Variants in ITPR2 observed in about 807,000 individuals in gnomAD.
ITPR2 encodes the protein inositol 1,4,5-trisphosphate receptor type 2.
In ITPR2, 207 loss-of-function variants were observed where a neutral mutation model predicts 317.1. The ratio of observed to expected loss-of-function variants is 0.65; its 90% CI spans 0.58 to 0.73. ITPR2 has a LOEUF of 0.73. Ranked by LOEUF, ITPR2 falls within the 30% of genes least tolerant of loss-of-function variation. ITPR2 has a pLI of 0.00. For missense variants in ITPR2, 2,613 were observed against 3,284.0 expected (o/e 0.80, Z 4.99); for synonymous variants, 1,156 against 1,149.1 (o/e 1.01, Z -0.12).
chr12:26,602,689 A>C lies in ITPR2; in HGVS notation c.3480T>G (p.Ser1160Arg), dbSNP rs1946029851. 2 of 1,597,008 alleles carry C rather than the reference A, an allele frequency of 1.3e-6. No individual in the cohort carries two copies. Among genetic ancestry groups the C allele is most frequent in the Non-Finnish European group, 1.7e-6 (2 of 1,169,698 alleles). ...EEPIEESNIL[S>R]PVQDGTKKPQ... ...GTTTCTTTGTTCCATCCTGCACTGG[A>C]CTTAAAATGTTTGATTCCTAAAAGG... Residue 1160 changes from serine (S) to arginine (R), a missense_variant, in exon 27 of 57, where the codon AGT becomes AGG. Around this residue, in one of 9 missense-constraint regions of ITPR2, gnomAD observed 817 missense variants for 897.6 expected, o/e 0.91. Coordinates refer to ENST00000381340, the MANE Select transcript of ITPR2 (RefSeq NM_002223.4).
intron 26 of ITPR2, among the ~76,000 whole-genome samples, chr12:26,610,654 C>T (rs1207911457): frequency 6.6e-6 from 1 of 152,106 alleles, no homozygotes; most frequent in African/African-American, 2.4e-5. Context: ...AACCAAAAAA[C>T]TCAATAATAA....
intron 23 of ITPR2, among the ~76,000 whole-genome samples, chr12:26,625,181 C>T (rs1307264663): frequency 6.6e-6 from 1 of 151,422 alleles, no homozygotes; most frequent in Non-Finnish European, 1.5e-5. Context: ...ATAAGAGTTA[C>T]CAGAGGCTGG....
chr12:26,497,541 G>GAAT (rs1555142521), intron 37 of ITPR2, among the ~76,000 whole-genome samples: 1 of 151,862 alleles, frequency 6.6e-6, no homozygotes, highest in Non-Finnish European at 1.5e-5. Context: ...ACCCTCAAGA[G>GAAT]TTACAATGAG....
intron 51 of ITPR2, among the ~76,000 whole-genome samples, chr12:26,412,200 T>G (rs1940573135): frequency 6.6e-6 from 1 of 152,124 alleles, no homozygotes; most frequent in Admixed American, 6.5e-5. Flanking sequence ...GAAGTGCATT[T>G]CCCAGCAATG....
intron 55 of ITPR2, among the ~76,000 whole-genome samples, chr12:26,377,219 C>T (rs1174436181): frequency 6.6e-6 from 1 of 152,264 alleles, no homozygotes; most frequent in East Asian, 1.9e-4. Flanking sequence ...TGAAGCCTCC[C>T]TTCCCAAGCC....
intron 26 of ITPR2, among the ~76,000 whole-genome samples, chr12:26,605,087 C>CA (rs201682839): frequency 7.9e-4 from 53 of 66,762 alleles, no homozygotes; most frequent in Non-Finnish European, 1.1e-3. Context: ...GACTCAGTCT[C>CA]AAAAAAAAAA....
chr12:26,426,277 T>C (rs186767769), intron 49 of ITPR2, among the ~76,000 whole-genome samples: 308 of 152,308 alleles, frequency 2.0e-3, no homozygotes, highest in Admixed American at 5.6e-3. Context: ...TAGTTCAATA[T>C]GCAATTTATG....
chr12:26,500,012 T>C (rs1476302897), intron 37 of ITPR2, among the ~76,000 whole-genome samples: 1 of 152,206 alleles, frequency 6.6e-6, no homozygotes, highest in Non-Finnish European at 1.5e-5. Context: ...CAGAACAAGA[T>C]TCTGTTATGT....
chr12:26,454,063 G>A (rs539110459), intron 45 of ITPR2, among the ~76,000 whole-genome samples: 2 of 152,144 alleles, frequency 1.3e-5, no homozygotes, highest in Non-Finnish European at 2.9e-5. Context: ...TGGATGGATG[G>A]CATACAGTAT....
At chr12:26,566,412 A>AAGGAGAAGGAGAGGTAAG in intron 34 of ITPR2, among the ~76,000 whole-genome samples, 2 of 129,590 alleles carry the variant, frequency 1.5e-5, no homozygotes, top group African/African-American at 5.9e-5. Context: ...AGGAGAAGAG[A>AAGGAGAAGGAGAGGTAAG]AGGAGAAGGA....
At chr12:26,390,976 G>A (rs960470394) in intron 54 of ITPR2, among the ~76,000 whole-genome samples, 1 of 152,156 alleles carries the variant, frequency 6.6e-6, no homozygotes, top group Admixed American at 6.5e-5. Context: ...GTTATATTCT[G>A]AAGAGGTATA....
intron 1 of ITPR2, among the ~76,000 whole-genome samples, chr12:26,808,033 C>T (rs937218064): frequency 3.9e-5 from 6 of 152,190 alleles, no homozygotes; most frequent in Non-Finnish European, 8.8e-5. Flanking sequence ...GGCCAAAGTG[C>T]TTTTACAAAG....
intron 55 of ITPR2, among the ~76,000 whole-genome samples, chr12:26,366,368 T>C (rs1939010269): frequency 6.6e-6 from 1 of 152,234 alleles, no homozygotes; most frequent in Non-Finnish European, 1.5e-5. Context: ...TTTTGATGTG[T>C]ATAGTTATCT....
At chr12:26,603,116 T>C (rs554525696) in intron 26 of ITPR2, among the ~76,000 whole-genome samples, 2 of 151,552 alleles carry the variant, frequency 1.3e-5, no homozygotes, top group Non-Finnish European at 2.9e-5. Context: ...AAAAAAAGAG[T>C]GATGGAGCAG....
chr12:26,735,190 C>T (rs1475417736), intron 2 of ITPR2, among the ~76,000 whole-genome samples: 2 of 151,984 alleles, frequency 1.3e-5, no homozygotes, highest in Admixed American at 6.6e-5. Flanking sequence ...TTAGTAGAAA[C>T]GGGGTTTCAC....
chr12:26,577,164 T>C (rs529711437), intron 34 of ITPR2, among the ~76,000 whole-genome samples: 48 of 152,328 alleles, frequency 3.2e-4, no homozygotes, highest in African/African-American at 1.1e-3. Context: ...TAATCTGTTA[T>C]AGCAGTGCAA....
At chr12:26,799,908 C>G (rs1049069200) in intron 1 of ITPR2, among the ~76,000 whole-genome samples, 1 of 152,212 alleles carries the variant, frequency 6.6e-6, no homozygotes, top group Non-Finnish European at 1.5e-5. Context: ...TCTCAATCAC[C>G]TGCAAAGAGC....
At chr12:26,386,081 C>A (rs1939657072) in intron 55 of ITPR2, among the ~76,000 whole-genome samples, 1 of 152,028 alleles carries the variant, frequency 6.6e-6, no homozygotes. Flanking sequence ...TGAAAAAAGA[C>A]AGCAATGTGA....
intron 26 of ITPR2, among the ~76,000 whole-genome samples, chr12:26,604,033 A>T (rs1488466986): frequency 6.6e-6 from 1 of 152,200 alleles, no homozygotes; most frequent in Non-Finnish European, 1.5e-5. Flanking sequence ...AAGCTCAGGA[A>T]AAAGTTACAA....
Sources: allele counts gnomAD v4.1 joint callset (sites outside exome capture counted in the v4.1 genomes callset), GRCh38; gene constraint gnomAD v4.1.1; regional missense constraint gnomAD v4.1.1; transcripts MANE v1.5; gene names NCBI Gene and HGNC (gene_info 2026-07-23, HGNC 2026-07-21).